The following FAM107B variants were observed in gnomAD, a reference collection of about 807,000 sequenced individuals.
The protein encoded by FAM107B is protein FAM107B.
In FAM107B, 21 loss-of-function variants were observed where a neutral mutation model predicts 31.5. That is an observed-to-expected ratio of 0.67 (90% CI 0.47 to 0.96). FAM107B has a LOEUF of 0.96. FAM107B is among the 40% of genes least tolerant of loss of function. FAM107B has a pLI of 0.00. For synonymous variants in FAM107B, 157 were observed against 141.5 expected, an observed-to-expected ratio of 1.11 and a Z score of -0.78; for missense variants, 452 against 377.1, an observed-to-expected ratio of 1.20 and a Z score of -1.64.
At chr10:14,756,104 T>C (rs1832924813) in intron 1 of FAM107B, among the ~76,000 whole-genome samples, 2 of 152,180 alleles carry the variant, frequency 1.3e-5, no homozygotes, top group African/African-American at 2.4e-5. Flanking sequence ...GCTTAATAAA[T>C]GTTTATTGAA....
chr10:14,670,395 T>C (rs757646342), intron 1 of FAM107B, among the ~76,000 whole-genome samples: 4 of 152,202 alleles, frequency 2.6e-5, no homozygotes, highest in Admixed American at 6.5e-5. Flanking sequence ...ATTAATAGTA[T>C]ACCAAAGAAT....
At chr10:14,757,160 T>C (rs1182945519) in intron 1 of FAM107B, among the ~76,000 whole-genome samples, 1 of 152,124 alleles carries the variant, frequency 6.6e-6, no homozygotes. Context: ...ACTTAAAAGT[T>C]AAAATAAATA....
Position 14,569,596 on chromosome 10 carries a change from C to G in FAM107B, c.470-39081G>C, listed in dbSNP as rs146826587. On this transcript the variant is annotated intron_variant, in intron 2 of 4. Coordinates refer to ENST00000181796, the MANE Select transcript of FAM107B (RefSeq NM_031453.4). ...ACACAGGTACTTCTGTTCAGTGTAA[C>G]CTTCCTCTCAAGTTTTGGGAAAGAT... Among the ~76,000 whole-genome samples, 394 of 152,286 alleles carry G rather than the reference C, an allele frequency of 2.6e-3. 6 individuals carry two copies. Among genetic ancestry groups the G allele is most frequent in the African/African-American group, 9.1e-3 (380 of 41,564 alleles).
At chr10:14,608,038 T>C (rs1490965648) in intron 2 of FAM107B, among the ~76,000 whole-genome samples, 1 of 152,200 alleles carries the variant, frequency 6.6e-6, no homozygotes, top group Non-Finnish European at 1.5e-5. Flanking sequence ...CGTAAAATGA[T>C]ACAAAGCAAA....
chr10:14,766,013 T>C (rs1415931039), intron 1 of FAM107B, among the ~76,000 whole-genome samples: 1 of 152,188 alleles, frequency 6.6e-6, no homozygotes, highest in Non-Finnish European at 1.5e-5. Context: ...CAAGCAGCAC[T>C]GACATCTGCA....
chr10:14,733,157 T>C (rs2688863), intron 1 of FAM107B, among the ~76,000 whole-genome samples: 58,284 of 150,966 alleles, frequency 0.39, 13,806 homozygotes, highest in African/African-American at 0.68. Context: ...AGAAACCAAA[T>C]ACATTTTCAA....
intron 2 of FAM107B, among the ~76,000 whole-genome samples, chr10:14,564,462 G>T (rs1038042904): frequency 1.3e-5 from 2 of 149,890 alleles, no homozygotes; most frequent in Non-Finnish European, 3.0e-5. Flanking sequence ...CCAAGAATCA[G>T]AGATGCAGAT....
At chr10:14,613,488 T>C (rs10906716) in intron 2 of FAM107B, among the ~76,000 whole-genome samples, 36,693 of 152,124 alleles carry the variant, frequency 0.24, 5,251 homozygotes, top group East Asian at 0.53. Flanking sequence ...ACCCCATGCC[T>C]CCTTACTAAC....
At chr10:14,604,211 TG>T (rs1852509549) in intron 2 of FAM107B, 1 of 975,100 alleles carries the variant, frequency 1.0e-6, no homozygotes, top group South Asian at 4.8e-5. Flanking sequence ...CGTCTTTGTG[TG>T]GAAAGTAAGT....
At chr10:14,755,107 C>A (rs1005642798) in intron 1 of FAM107B, among the ~76,000 whole-genome samples, 11 of 152,224 alleles carry the variant, frequency 7.2e-5, no homozygotes, top group Non-Finnish European at 1.5e-4. Context: ...AACTTAAAAA[C>A]CAACCAGTTG....
intron 1 of FAM107B, among the ~76,000 whole-genome samples, chr10:14,709,613 T>C (rs930709723): frequency 2.6e-5 from 4 of 152,188 alleles, no homozygotes; most frequent in African/African-American, 7.2e-5. Flanking sequence ...CAATTCAAGA[T>C]GAGATTTGGG....
At chr10:14,698,268 C>T (rs1056253029) in intron 1 of FAM107B, among the ~76,000 whole-genome samples, 5 of 152,208 alleles carry the variant, frequency 3.3e-5, no homozygotes, top group Admixed American at 6.5e-5. Flanking sequence ...GAAGAGAGGT[C>T]TAAATCTACT....
At chr10:14,736,359 A>G (rs1032517634) in intron 1 of FAM107B, among the ~76,000 whole-genome samples, 3 of 152,224 alleles carry the variant, frequency 2.0e-5, no homozygotes, top group Non-Finnish European at 4.4e-5. Flanking sequence ...AAGACACAAT[A>G]TGTTAACATC....
chr10:14,629,621 T>A (rs1199688274), intron 2 of FAM107B, among the ~76,000 whole-genome samples: 2 of 147,886 alleles, frequency 1.4e-5, no homozygotes, highest in Non-Finnish European at 3.0e-5. Flanking sequence ...CCAGCCATTC[T>A]CCTGCCCCAG....
intron 1 of FAM107B, among the ~76,000 whole-genome samples, chr10:14,735,527 T>A (rs1223207929): frequency 6.6e-6 from 1 of 152,164 alleles, no homozygotes; most frequent in Non-Finnish European, 1.5e-5. Flanking sequence ...CGGTTTCAGG[T>A]CCATTTTGGT....
At chr10:14,653,222 G>A (rs1853947577) in intron 2 of FAM107B, among the ~76,000 whole-genome samples, 1 of 152,238 alleles carries the variant, frequency 6.6e-6, no homozygotes, top group Non-Finnish European at 1.5e-5. Flanking sequence ...GACTTTTTGA[G>A]TCTTAGAACT....
intron 1 of FAM107B, among the ~76,000 whole-genome samples, chr10:14,680,573 CAA>C (rs35826993): frequency 6.0e-4 from 81 of 133,970 alleles, no homozygotes; most frequent in African/African-American, 2.2e-3. Flanking sequence ...GACTCTGTCT[CAA>C]AAAAAAAAAA....
chr10:14,574,657 T>C (rs1052976588), intron 2 of FAM107B, among the ~76,000 whole-genome samples: 1 of 152,252 alleles, frequency 6.6e-6, no homozygotes, highest in African/African-American at 2.4e-5. Flanking sequence ...CACAGATTAT[T>C]AGTACATTTC....
chr10:14,724,329 A>G (rs953355580), intron 1 of FAM107B, among the ~76,000 whole-genome samples: 4 of 152,216 alleles, frequency 2.6e-5, no homozygotes, highest in Non-Finnish European at 5.9e-5. Flanking sequence ...ATGTCTATCC[A>G]GTTGTCCCAA....
Sources: allele counts gnomAD v4.1 joint callset (sites outside exome capture counted in the v4.1 genomes callset), GRCh38; gene constraint gnomAD v4.1.1; transcripts MANE v1.5; gene names NCBI Gene and HGNC (gene_info 2026-07-23, HGNC 2026-07-21).